The following TMEM92 variants were observed in gnomAD, a reference collection of about 807,000 sequenced individuals.
TMEM92 encodes the protein transmembrane protein 92.
A neutral mutation model predicts 14.6 loss-of-function variants in TMEM92; 15 were observed. The ratio of observed to expected loss-of-function variants is 1.03; its 90% CI spans 0.69 to 1.58. The LOEUF is 1.58. TMEM92 is among the 40% of genes most tolerant of loss of function. The probability of loss-of-function intolerance (pLI) is 0.00; values close to 1 mark genes in which losing one functional copy is unlikely to be tolerated. For synonymous variants in TMEM92, 85 were observed against 83.3 expected (o/e 1.02, Z -0.11); for missense variants, 174 against 202.4 (o/e 0.86, Z 0.85).
Position 50,280,001 on chromosome 17 carries a change from T to G in TMEM92, c.*693T>G, listed in dbSNP as rs1343666708. Reference sequence around the variant, plus strand: ...TTCTAGATGTATTGGCTGTCTGTTTTTTGATGTCTCTGTGTGCCAAACAGC... The same window carrying G: ...TTCTAGATGTATTGGCTGTCTGTTTGTTGATGTCTCTGTGTGCCAAACAGC... On this transcript the variant is annotated 3_prime_UTR_variant, in exon 5 of 5. Transcript: ENST00000507382. 1 of 152,340 alleles carries G rather than the reference T, an allele frequency of 6.6e-6. No homozygotes were observed. The highest frequency in any genetic ancestry group is 6.5e-5 in the Admixed American group (1 of 15,282). 9.4% of individuals were successfully genotyped at this position (152,340 alleles called of 1,614,324 possible). A position where few individuals can be genotyped will look rare whatever the true frequency, so the allele number is the denominator to read the frequency against.
rs1598330650 is a variant in TMEM92 at position 50,278,981 on chromosome 17, A to C, written c.351A>C (p.Pro117=). 4 of 1,596,708 alleles carry C rather than the reference A, an allele frequency of 2.5e-6. No individual in the cohort carries two copies. The highest frequency in any genetic ancestry group is 1.4e-5 in the African/African-American group (1 of 73,270). ...TCAGAGTATCCCTTTCTGCGCCCCC[A>C]CCCCCCTACAGTGAGGTGGGTGTCT... The part of the protein sequence containing the change: ...ERVRVSLSAP[P]PPYSEVILKP... Residue 117 remains proline (P), a synonymous_variant, in exon 4 of 5, where the codon CCA becomes CCC. Coordinates refer to ENST00000507382, the MANE Select transcript of TMEM92 (RefSeq NM_153229.3).
intron 1 of TMEM92, among the ~76,000 whole-genome samples, chr17:50,275,244 G>A (rs540555485): frequency 1.3e-5 from 2 of 152,078 alleles, no homozygotes; most frequent in African/African-American, 2.4e-5. Flanking sequence ...GAACAGAGAC[G>A]GGTCTAGAAC....
upstream of TMEM92, among the ~76,000 whole-genome samples, chr17:50,273,457 G>T (rs570098903): frequency 6.6e-6 from 1 of 152,354 alleles, no homozygotes; most frequent in African/African-American, 2.4e-5. Flanking sequence ...GGGCCTGCTC[G>T]CCCGCGCCCC....
chr17:50,278,585 G>A lies in TMEM92; in HGVS notation c.125G>A (p.Gly42Asp). 6.2e-7 allele frequency: 1 copy of A among 1,614,078 alleles called. No homozygotes were observed. The highest frequency in any genetic ancestry group is 8.5e-7 in the Non-Finnish European group (1 of 1,180,002). Residue 42 changes from glycine (G) to aspartate (D), a missense_variant, in exon 3 of 5, where the codon GGT (glycine) becomes GAT (aspartate). By Grantham distance (94) the Gly-to-Asp change is moderately conservative. Transcript: ENST00000507382. ...TGCCCCAAAGGATTCAAATGCTGTGGTGACAGCTGCTGCCAGGAGAACGAG... is the reference window on the plus strand; with the variant it reads ...TGCCCCAAAGGATTCAAATGCTGTGATGACAGCTGCTGCCAGGAGAACGAG... Reference protein sequence around the residue: ...LACPKGFKCCGDSCCQENELF... With the variant: ...LACPKGFKCCDDSCCQENELF...
upstream of TMEM92, chr17:50,274,401 C>A: frequency 8.0e-7 from 1 of 1,244,484 alleles, no homozygotes; most frequent in African/African-American, 1.5e-5. Context: ...CGGTGCAGCT[C>A]CGCCCCCATC....
rs751992218 is a variant in TMEM92 at position 50,274,523 on chromosome 17, G to C, written c.22G>C (p.Gly8Arg). Reference protein sequence around the residue: MSQAWVPGLAPTLLFSLL... With the variant: MSQAWVPRLAPTLLFSLL... ...CAGGATGTCCCAAGCTTGGGTCCCC[G>C]GCCTCGCGCCCACCTTGCTGTTCAG... Residue 8 changes from glycine to arginine, a missense_variant, in exon 1 of 5, where the codon GGC becomes CGC. Transcript: ENST00000507382. 5.0e-6 allele frequency: 8 copies of C among 1,613,836 alleles called. No homozygotes were observed. The East Asian group carries it at 1.3e-4, about 27-fold the overall frequency.
In TMEM92 at chr17:50,278,633, G is replaced by T. The variant is rs201413291; in HGVS notation, c.170+3G>T. 1.4e-5 allele frequency: 23 copies of T among 1,613,722 alleles called. 2 individuals carry two copies. The South Asian group carries it at 1.9e-4, about 13-fold the overall frequency. On this transcript the variant is annotated splice_donor_region_variant and intron_variant, in intron 3 of 4. Coordinates refer to ENST00000507382, the MANE Select transcript of TMEM92 (RefSeq NM_153229.3). ...GAGCTCTTCCCTGGCCCCGTGAGGT[G>T]AGCCCAGGGCCAGCTCCTTTGGGTG...
rs1411580628 is a variant in TMEM92 at position 50,279,082 on chromosome 17, T to G, written c.366+86T>G. 8 of 1,418,390 alleles carry G rather than the reference T, an allele frequency of 5.6e-6. No homozygotes were observed. In the Admixed American group the frequency reaches 1.4e-4, roughly 25 times the overall value. The allele number at this position is 1,418,390 out of a possible 1,614,324, so 87.9% of individuals were successfully genotyped here. Reference sequence around the variant, plus strand: ...AGGGCCCTTCGATCCTGGAGGGCACTCTGCACCCAGCATTGGGTCACCCCT... The same window carrying G: ...AGGGCCCTTCGATCCTGGAGGGCACGCTGCACCCAGCATTGGGTCACCCCT... On this transcript the variant is annotated intron_variant, in intron 4 of 4. Transcript: ENST00000507382.
upstream of TMEM92, among the ~76,000 whole-genome samples, chr17:50,272,082 G>A (rs1910266063): frequency 1.3e-5 from 2 of 152,102 alleles, no homozygotes; most frequent in African/African-American, 4.8e-5. Context: ...TCGTTTATCT[G>A]AAATTTGGAT....
chr17:50,279,100 T>A, intron 4 of TMEM92, 95 bp from the exon 5 acceptor site: 1 of 1,451,920 alleles, frequency 6.9e-7, no homozygotes, highest in South Asian at 1.2e-5. Context: ...CAGCATTGGG[T>A]CACCCCTCTC....
At chr17:50,279,079 C>T in intron 4 of TMEM92, 83 bp downstream of exon 4, 3 of 1,402,424 alleles carry the variant, frequency 2.1e-6, no homozygotes, top group Non-Finnish European at 3.0e-6. Flanking sequence ...TCCTGGAGGG[C>T]ACTCTGCACC....
At chr17:50,278,034 G>A (rs2143051987) in intron 2 of TMEM92, among the ~76,000 whole-genome samples, 1 of 152,314 alleles carries the variant, frequency 6.6e-6, no homozygotes, top group Middle Eastern at 3.4e-3. Flanking sequence ...CGGAGGCAGG[G>A]GGCTAACCCT....
chr17:50,271,765 G>A (rs1336524473), upstream of TMEM92, among the ~76,000 whole-genome samples: 1 of 152,188 alleles, frequency 6.6e-6, no homozygotes, highest in Non-Finnish European at 1.5e-5. Flanking sequence ...GGGCCCAGGT[G>A]TAGTAGCTCA....
At chr17:50,278,464 C>A in intron 2 of TMEM92, 92 bp from the exon 3 acceptor site, 1 of 1,438,956 alleles carries the variant, frequency 6.9e-7, no homozygotes, top group Non-Finnish European at 9.7e-7. Context: ...CCATGAGCAT[C>A]TTGGGTGTAT....
chr17:50,274,381 C>A, upstream of TMEM92: 1 of 975,172 alleles, frequency 1.0e-6, no homozygotes, highest in Non-Finnish European at 1.6e-6. Context: ...TGCCCCGAGT[C>A]CGCCTCTCCC....
At chr17:50,274,449 G>A, upstream of TMEM92, 1 of 1,591,236 alleles carries the variant, frequency 6.3e-7, no homozygotes, top group African/African-American at 1.3e-5. Flanking sequence ...AAGTGGGAGA[G>A]GTCGCAGCCC....
chr17:50,278,749 G>A (rs2051589108), intron 3 of TMEM92, 52 bp from the exon 4 acceptor site: 2 of 1,572,714 alleles, frequency 1.3e-6, no homozygotes, highest in Non-Finnish European at 1.7e-6. Context: ...GATGTAGGGA[G>A]TCCCCAGGGT....
At chr17:50,275,662 C>G (rs1428774410) in intron 1 of TMEM92, among the ~76,000 whole-genome samples, 1 of 152,062 alleles carries the variant, frequency 6.6e-6, no homozygotes, top group Admixed American at 6.5e-5. Flanking sequence ...AGCTCCTCCC[C>G]CTCCCAAACC....
chr17:50,279,108 C>T (rs897915090), intron 4 of TMEM92, 87 bp from the exon 5 acceptor site: 26 of 1,472,090 alleles, frequency 1.8e-5, no homozygotes, highest in Non-Finnish European at 2.4e-5. Context: ...GGTCACCCCT[C>T]TCCCTGGTAA....
Sources: allele counts gnomAD v4.1 joint callset (sites outside exome capture counted in the v4.1 genomes callset), GRCh38; gene constraint gnomAD v4.1.1; transcripts MANE v1.5; gene names NCBI Gene and HGNC (gene_info 2026-07-23, HGNC 2026-07-21).